The following CTIF variants were observed in gnomAD, a reference collection of about 807,000 sequenced individuals.
CTIF encodes CBP80/20-dependent translation initiation factor.
CTIF carries 21 observed loss-of-function variants against 66.0 expected under a neutral mutation model. That is an observed-to-expected ratio of 0.32 (90% CI 0.23 to 0.46). CTIF has a LOEUF of 0.46. Among genes scored for constraint, CTIF ranks in the 20% least tolerant of loss-of-function variants. The pLI is 1.00. For missense variants in CTIF, 739 were observed against 812.7 expected (o/e 0.91, Z 1.10); for synonymous variants, 345 against 326.4 (o/e 1.06, Z -0.62).
chr18:48,705,086 G>A lies in CTIF; in HGVS notation c.508-6533G>A, dbSNP rs180695389. ...ATGCTGGACAACTGGTAACTCCACT[G>A]TGGTCTCCAGGGAAGCAGGTTCATC... On this transcript the variant is annotated intron_variant, in intron 6 of 11. Coordinates refer to ENST00000256413, the MANE Select transcript of CTIF (RefSeq NM_014772.3). Among the ~76,000 whole-genome samples, 18 of 152,314 alleles carry A rather than the reference G, an allele frequency of 1.2e-4. 1 individual carries two copies. The East Asian group carries it at 3.5e-3, about 29-fold the overall frequency.
intron 1 of CTIF, among the ~76,000 whole-genome samples, chr18:48,559,199 A>C (rs2089092409): frequency 7.1e-6 from 1 of 141,320 alleles, no homozygotes; most frequent in African/African-American, 2.6e-5. Context: ...TGCTCATACA[A>C]ATTTTAAAAA....
chr18:48,743,288 C>T (rs1169478235), intron 7 of CTIF, among the ~76,000 whole-genome samples: 1 of 152,214 alleles, frequency 6.6e-6, no homozygotes, highest in Non-Finnish European at 1.5e-5. Context: ...AGGCCCTCCT[C>T]ACTCACGTCG....
chr18:48,659,398 A>T (rs957317282), intron 3 of CTIF, among the ~76,000 whole-genome samples: 12 of 152,074 alleles, frequency 7.9e-5, no homozygotes, highest in Non-Finnish European at 1.8e-4. Flanking sequence ...TGGGGTCCTC[A>T]TTCTTCTCAG....
chr18:48,665,464 A>G (rs11877656), intron 5 of CTIF, among the ~76,000 whole-genome samples: 87,509 of 152,110 alleles, frequency 0.58, 28,028 homozygotes, highest in East Asian at 0.85. Flanking sequence ...ATAGTTTTAT[A>G]TAATTTTTAA....
At chr18:48,584,717 C>T (rs1311728406) in intron 1 of CTIF, among the ~76,000 whole-genome samples, 4 of 152,194 alleles carry the variant, frequency 2.6e-5, no homozygotes, top group African/African-American at 9.7e-5. Flanking sequence ...TGAACCCAGT[C>T]CTCTCCAAGC....
intron 1 of CTIF, among the ~76,000 whole-genome samples, chr18:48,618,898 C>T (rs1273636548): frequency 6.6e-6 from 1 of 152,208 alleles, no homozygotes; most frequent in Non-Finnish European, 1.5e-5. Context: ...AAGCCTTTCT[C>T]GTTCTGCCAG....
chr18:48,812,376 A>T (rs2068275920), intron 9 of CTIF, among the ~76,000 whole-genome samples: 1 of 152,208 alleles, frequency 6.6e-6, no homozygotes, highest in South Asian at 2.1e-4. Context: ...TTTCACTCAT[A>T]GGCAGGTTTG....
intron 7 of CTIF, among the ~76,000 whole-genome samples, chr18:48,753,872 G>A (rs1035560582): frequency 9.9e-5 from 15 of 152,188 alleles, no homozygotes; most frequent in African/African-American, 3.6e-4. Flanking sequence ...CTCATCCCTG[G>A]CCCAGCCAAA....
chr18:48,808,376 A>G (rs1412902058), intron 9 of CTIF, among the ~76,000 whole-genome samples: 1 of 152,150 alleles, frequency 6.6e-6, no homozygotes, highest in Non-Finnish European at 1.5e-5. Context: ...GCCCTTTGTC[A>G]CATTTATTGC....
At chr18:48,836,296 CA>C (rs1244216024) in intron 10 of CTIF, among the ~76,000 whole-genome samples, 1 of 152,164 alleles carries the variant, frequency 6.6e-6, no homozygotes, top group Admixed American at 6.5e-5. Context: ...CAGCAGCCCC[CA>C]GAGAGGCCCT....
intron 3 of CTIF, among the ~76,000 whole-genome samples, chr18:48,647,558 T>A (rs977717025): frequency 6.6e-6 from 1 of 152,270 alleles, no homozygotes; most frequent in Non-Finnish European, 1.5e-5. Flanking sequence ...TTTACAAGTA[T>A]GTATGAATCT....
rs145693644 is a variant in CTIF, at chr18:48,858,164, A to T, written c.1581+523A>T. Among the ~76,000 whole-genome samples, 381 of 152,376 alleles carry T rather than the reference A, an allele frequency of 2.5e-3. 1 individual carries two copies. The highest frequency in any genetic ancestry group is 8.3e-3 in the African/African-American group (345 of 41,590). On this transcript the variant is annotated intron_variant, in intron 11 of 11. Transcript: ENST00000256413. ...CCCTGGGCAGATCTCTGCCCTCTGC[A>T]GATGGTCCAGAGTCACTCAGAGTGG... is the stretch of plus-strand genomic sequence containing the variant.
intron 7 of CTIF, among the ~76,000 whole-genome samples, chr18:48,716,974 A>G (rs970823797): frequency 1.3e-5 from 2 of 152,208 alleles, no homozygotes; most frequent in Non-Finnish European, 2.9e-5. Context: ...GGAGCGAGCC[A>G]TCCACCTGGC....
intron 1 of CTIF, among the ~76,000 whole-genome samples, chr18:48,615,658 G>A (rs2090385746): frequency 6.6e-6 from 1 of 152,200 alleles, no homozygotes; most frequent in African/African-American, 2.4e-5. Flanking sequence ...GGGAGTATTT[G>A]TCCCATTGAG....
At chr18:48,545,627 G>C (rs1459760228) in intron 1 of CTIF, among the ~76,000 whole-genome samples, 3 of 152,128 alleles carry the variant, frequency 2.0e-5, no homozygotes, top group Non-Finnish European at 4.4e-5. Context: ...GGGTCTGCTG[G>C]GGTTGGGGTG....
chr18:48,771,491 G>C (rs1391072538), intron 9 of CTIF, among the ~76,000 whole-genome samples: 1 of 152,174 alleles, frequency 6.6e-6, no homozygotes, highest in Non-Finnish European at 1.5e-5. Context: ...ACCCAGGTCA[G>C]GAATTATTTC....
chr18:48,549,021 C>T (rs1267198621), intron 1 of CTIF, among the ~76,000 whole-genome samples: 1 of 151,804 alleles, frequency 6.6e-6, no homozygotes, highest in African/African-American at 2.4e-5. Context: ...CATGCTGGGA[C>T]ACAGATATAA....
At chr18:48,610,456 G>A (rs2090287300) in intron 1 of CTIF, among the ~76,000 whole-genome samples, 1 of 135,454 alleles carries the variant, frequency 7.4e-6, no homozygotes, top group African/African-American at 2.5e-5. Context: ...TATTGGGCTA[G>A]GCCTACCTGC....
At chr18:48,571,118 C>A (rs1269200785) in intron 1 of CTIF, among the ~76,000 whole-genome samples, 3 of 152,118 alleles carry the variant, frequency 2.0e-5, no homozygotes, top group South Asian at 2.1e-4. Flanking sequence ...CCCCACCTAC[C>A]CCCTTCCGTC....
Sources: allele counts gnomAD v4.1 joint callset (sites outside exome capture counted in the v4.1 genomes callset), GRCh38; gene constraint gnomAD v4.1.1; transcripts MANE v1.5; gene names NCBI Gene and HGNC (gene_info 2026-07-23, HGNC 2026-07-21).